Variants in HMGCL observed in about 807,000 individuals in gnomAD.
HMGCL encodes hydroxymethylglutaryl-CoA lyase, mitochondrial.
In HMGCL, 26 loss-of-function variants were observed where a neutral mutation model predicts 37.3. The observed-to-expected ratio is 0.70, with a 90% CI of 0.51 to 0.97. The LOEUF (loss-of-function observed/expected upper bound fraction) is 0.97, where lower values mean the gene tolerates loss of function less well. Ranked by LOEUF, HMGCL falls within the 50% of genes least tolerant of loss-of-function variation. HMGCL has a pLI of 0.00. For synonymous variants in HMGCL, 151 were observed against 148.0 expected (o/e 1.02, Z -0.15); for missense variants, 379 against 398.1 (o/e 0.95, Z 0.41).
chr1:23,823,179 CAAAAAAAAAAAA>C (rs60736552), intron 1 of HMGCL, among the ~76,000 whole-genome samples: 3 of 37,252 alleles, frequency 8.1e-5, no homozygotes, highest in African/African-American at 1.8e-4. Context: ...TTCTTCATCT[CAAAAAAAAAAAA>C]AAAAAAAAAA....
At chr1:23,804,606 G>A (rs1421735666) in intron 7 of HMGCL, 81 bp from the exon 8 acceptor site, 20 of 1,467,236 alleles carry the variant, frequency 1.4e-5, no homozygotes, top group African/African-American at 2.8e-5. Flanking sequence ...CCTCCCAATC[G>A]TCTGTTGCCT....
At chr1:23,804,608 CT>C (rs1638368333) in intron 7 of HMGCL, 83 bp from the exon 8 acceptor site, 1 of 1,460,610 alleles carries the variant, frequency 6.8e-7, no homozygotes, top group Non-Finnish European at 9.5e-7. Flanking sequence ...TCCCAATCGT[CT>C]GTTGCCTGAA....
chr1:23,817,632 G>A (rs781627075), intron 2 of HMGCL, 49 bp from the exon 3 acceptor site: 2 of 1,120,108 alleles, frequency 1.8e-6, no homozygotes, highest in Non-Finnish European at 1.4e-6. Flanking sequence ...TAACAAAACA[G>A]CCTCAAAATG....
At chr1:23,820,445 A>G in intron 2 of HMGCL, 65 bp downstream of exon 2, 1 of 1,099,722 alleles carries the variant, frequency 9.1e-7, no homozygotes, top group East Asian at 2.4e-5. Flanking sequence ...CATTGCACCT[A>G]TCACACGTAA....
chr1:23,823,258 C>T (rs1638754411), intron 1 of HMGCL, among the ~76,000 whole-genome samples: 1 of 151,026 alleles, frequency 6.6e-6, no homozygotes, highest in Non-Finnish European at 1.5e-5. Flanking sequence ...CTCAATTCCA[C>T]TTCCTTCCTT....
At chr1:23,823,932 G>A (rs1297057690) in intron 1 of HMGCL, among the ~76,000 whole-genome samples, 1 of 103,944 alleles carries the variant, frequency 9.6e-6, no homozygotes, top group Non-Finnish European at 2.0e-5. Flanking sequence ...ATCTTCCCGA[G>A]GTGACATGGG....
rs1638406564 is a variant in HMGCL at position 23,806,234 on chromosome 1, T to G, written c.751-1709A>C. On this transcript the variant is annotated intron_variant, in intron 7 of 8. Transcript: ENST00000374490. The surrounding 1 kb of genome is among the most constrained non-coding windows in gnomAD (Gnocchi z 4.0). Reference sequence around the variant, plus strand: ...TCCCAAAGTGCTGGGATTACAGGTGTGAGCCACTGTGCCCAGCCGAGGAGC... The same window carrying G: ...TCCCAAAGTGCTGGGATTACAGGTGGGAGCCACTGTGCCCAGCCGAGGAGC... 6.6e-6 allele frequency among the ~76,000 whole-genome samples: 1 copy of G among 152,172 alleles called. No homozygotes were observed. The highest frequency in any genetic ancestry group is 2.4e-5 in the African/African-American group (1 of 41,436).
rs910463647 is a variant in HMGCL, at chr1:23,806,137, A to T, written c.751-1612T>A. Among the ~76,000 whole-genome samples the T allele has an allele frequency of 6.6e-6, 1 of 151,980 alleles. No individual in the cohort carries two copies. Among genetic ancestry groups the T allele is most frequent in the African/African-American group, 2.4e-5 (1 of 41,346 alleles). On this transcript the variant is annotated intron_variant, in intron 7 of 8. Transcript: ENST00000374490. The surrounding 1 kb of genome is among the most constrained non-coding windows in gnomAD (Gnocchi z 4.0). ...CAGCTAATTTTTATATTTTTAGTTG[A>T]GACAGGGTTTCACCATGTTGGCCAG...
At position 23,806,998 on chromosome 1, in the gene HMGCL, C is replaced by T. The variant is rs1638422107; in HGVS notation, c.750+1137G>A. The stretch of plus-strand genomic sequence containing the variant: ...GAAGTAACTGATGGAAGAGGGAGGT[C>T]AGAGGAAGCTACTGCCAGACGTCAC... On this transcript the variant is annotated intron_variant, in intron 7 of 8. Transcript: ENST00000374490. The surrounding 1 kb of genome is among the most constrained non-coding windows in gnomAD (Gnocchi z 4.0). 1 of 518,824 alleles carries T rather than the reference C, an allele frequency of 1.9e-6. No homozygotes were observed. The highest frequency in any genetic ancestry group is 1.9e-5 in the African/African-American group (1 of 51,940). 32.1% of individuals were successfully genotyped at this position (518,824 alleles called of 1,614,324 possible).
At chr1:23,816,229 A>G (rs1638611439) in intron 4 of HMGCL, 1 of 267,272 alleles carries the variant, frequency 3.7e-6, no homozygotes, top group Non-Finnish European at 7.3e-6. Context: ...CCAGCCAAAA[A>G]AAGGTTTTTG....
chr1:23,815,151 G>C (rs568557951), intron 4 of HMGCL, among the ~76,000 whole-genome samples: 1 of 152,128 alleles, frequency 6.6e-6, no homozygotes, highest in East Asian at 2.0e-4. Flanking sequence ...AGCTTGCAGT[G>C]AGCCGAGATC....
chr1:23,810,763 C>T lies in HMGCL; in HGVS notation c.534G>A (p.Gly178=). The change falls in exon 6 of 9, where the codon GGG becomes GGA. Residue 178 remains glycine (G), a synonymous_variant. Coordinates refer to ENST00000374490, the MANE Select transcript of HMGCL (RefSeq NM_000191.3). ...CAGCTACTTTAGCTGGGGAGATCTTCCCTTCATAAGGGCAGCCAAGAGCAC... is the reference window on the plus strand; with the variant it reads ...CAGCTACTTTAGCTGGGGAGATCTTTCCTTCATAAGGGCAGCCAAGAGCAC... ...VSCALGCPYE[G]KISPAKVAEV... 6.2e-7 allele frequency: 1 copy of T among 1,614,076 alleles called. No homozygotes were observed. The highest frequency in any genetic ancestry group is 8.5e-7 in the Non-Finnish European group (1 of 1,179,986).
At chr1:23,802,872 A>C (rs1048769891) in intron 8 of HMGCL, among the ~76,000 whole-genome samples, 5 of 152,306 alleles carry the variant, frequency 3.3e-5, no homozygotes, top group East Asian at 1.9e-4. Context: ...CCTGGCCCAC[A>C]GAGGTAAAAA....
At position 23,816,769 on chromosome 1, in the gene HMGCL, A is replaced by C; in HGVS notation, c.254T>G (p.Met85Arg). Residue 85 changes from methionine to arginine, a missense_variant and splice_region_variant, in exon 4 of 9, where the codon ATG (methionine) becomes AGG (arginine). By Grantham distance (91) the Met-to-Arg change is moderately conservative. Transcript: ENST00000374490. ...SFVSPKWVPQ[M>R]GDHTEVLKGI... ...CTTCAAGACTTCAGTGTGGTCACCC[A>C]TCTAGGAACCAAGGGAGACATTGCC... 6.3e-7 allele frequency: 1 copy of C among 1,599,830 alleles called. No homozygotes were observed. Among genetic ancestry groups the C allele is most frequent in the Middle Eastern group, 1.7e-4 (1 of 6,034 alleles).
rs2148415637 is a variant in HMGCL, at chr1:23,802,336, TG to T, written c.*126del. 1.3e-6 allele frequency: 1 copy of T among 753,202 alleles called. No homozygotes were observed. Among genetic ancestry groups the T allele is most frequent in the East Asian group, 2.5e-5 (1 of 40,142 alleles). 46.7% of individuals were successfully genotyped at this position (753,202 alleles called of 1,614,324 possible). On this transcript the variant is annotated 3_prime_UTR_variant, in exon 9 of 9. Transcript: ENST00000374490. The stretch of plus-strand genomic sequence containing the variant: ...CCTGCTTTCTGCCAGGAGAGACCTC[TG>T]TGTAGAGCTGGCTATGAGGTACCTG...
At chr1:23,817,609 G>A (rs750944360) in intron 2 of HMGCL, 26 bp from the exon 3 acceptor site, 3 of 1,437,412 alleles carry the variant, frequency 2.1e-6, no homozygotes, top group African/African-American at 2.8e-5. Flanking sequence ...AAACACCAAG[G>A]CAGCAAAGTT....
chr1:23,819,006 T>TAAAA lies in HMGCL; in HGVS notation c.145-1427_145-1424dup, dbSNP rs11371330. The stretch of plus-strand genomic sequence containing the variant: ...ACTATTAAAGCTAGGATGGACGTGC[T>TAAAA]AAAAAAAAAAAAAAAAAAAAAAAAA... On this transcript the variant is annotated intron_variant, in intron 2 of 8. Transcript: ENST00000374490. 2.4e-3 allele frequency among the ~76,000 whole-genome samples: 105 copies of TAAAA among 43,138 alleles called. 3 individuals are homozygous for TAAAA. Among genetic ancestry groups the TAAAA allele is most frequent in the African/African-American group, 9.2e-3 (89 of 9,722 alleles). 28.3% of individuals were successfully genotyped at this position (43,138 alleles called of 152,430 possible). A position where few individuals can be genotyped will look rare whatever the true frequency, so the allele number is the denominator to read the frequency against.
At chr1:23,803,834 G>A (rs1638345148) in intron 8 of HMGCL, 1 of 153,258 alleles carries the variant, frequency 6.5e-6, no homozygotes. Context: ...GAGGGCCCTG[G>A]TGGACTCTGG....
chr1:23,823,592 A>G (rs1017037599), intron 1 of HMGCL, among the ~76,000 whole-genome samples: 1 of 152,000 alleles, frequency 6.6e-6, no homozygotes, highest in Non-Finnish European at 1.5e-5. Flanking sequence ...ACCTCAAGTG[A>G]TCCACCCACC....
Sources: gnomAD v4.1 joint callset for allele counts (sites outside exome capture counted in the v4.1 genomes callset) on GRCh38, gnomAD v4.1.1 for gene constraint, Gnocchi (gnomAD v3.1) non-coding constraint, MANE v1.5 for transcripts, NCBI Gene and HGNC (gene_info 2026-07-23, HGNC 2026-07-21) for gene names.